PLCB1: variants seen among roughly 807,000 people sequenced by gnomAD.
PLCB1 encodes phospholipase C beta 1, also known as 1-phosphatidylinositol 4,5-bisphosphate phosphodiesterase beta-1.
Under a neutral mutation model 161.8 loss-of-function variants are expected in PLCB1, and 46 were observed. The observed-to-expected ratio is 0.28, with a 90% CI of 0.22 to 0.36. The LOEUF (loss-of-function observed/expected upper bound fraction) is 0.36. Ranked by LOEUF, PLCB1 falls within the 10% of genes least tolerant of loss-of-function variation. The pLI is 1.00. For synonymous variants in PLCB1, 517 were observed against 503.7 expected (o/e 1.03, Z -0.35); for missense variants, 1,016 against 1,472.5 (o/e 0.69, Z 5.07).
intron 3 of PLCB1, among the ~76,000 whole-genome samples, chr20:8,541,562 G>GAGAAAGAAAGAAAAAAAGAA (rs1985318106): frequency 8.7e-6 from 1 of 114,348 alleles, no homozygotes; most frequent in African/African-American, 3.7e-5. Flanking sequence ...AAGGAAGAAA[G>GAGAAAGAAAGAAAAAAAGAA]AGAAAGAAAG....
intron 2 of PLCB1, among the ~76,000 whole-genome samples, chr20:8,327,187 G>C (rs543392527): frequency 2.6e-5 from 4 of 152,272 alleles, no homozygotes; most frequent in Non-Finnish European, 4.4e-5. Flanking sequence ...TGCCTAGCCT[G>C]TTTGTTTTTC....
At chr20:8,857,709 T>C (rs2146309220) in intron 31 of PLCB1, among the ~76,000 whole-genome samples, 1 of 152,350 alleles carries the variant, frequency 6.6e-6, no homozygotes, top group Admixed American at 6.5e-5. Flanking sequence ...ACCCTGACAC[T>C]TGCCAATAGT....
chr20:8,812,722 G>C (rs1001476562), intron 31 of PLCB1, among the ~76,000 whole-genome samples: 5 of 152,190 alleles, frequency 3.3e-5, no homozygotes, highest in African/African-American at 1.2e-4. Flanking sequence ...CCATTTGGGA[G>C]AGCTGAAAAT....
intron 2 of PLCB1, among the ~76,000 whole-genome samples, chr20:8,276,926 TTTCTTCTTC>T (rs752434070): frequency 0.095 from 9,898 of 104,470 alleles, 572 homozygotes; most frequent in Non-Finnish European, 0.12. Context: ...GTCTTCTTCT[TTTCTTCTTC>T]TTCTTCTTCT....
At chr20:8,136,669 G>A (rs769171933) in intron 1 of PLCB1, among the ~76,000 whole-genome samples, 2 of 151,806 alleles carry the variant, frequency 1.3e-5, no homozygotes, top group Middle Eastern at 3.4e-3. Flanking sequence ...TAAGATGGAC[G>A]TGAATTTTAT....
chr20:8,564,815 A>G (rs543791674), intron 3 of PLCB1, among the ~76,000 whole-genome samples: 5 of 152,336 alleles, frequency 3.3e-5, no homozygotes, highest in South Asian at 2.1e-4. Flanking sequence ...TGGAATGGCA[A>G]TCATTAACAA....
At chr20:8,716,418 T>A in intron 13 of PLCB1, 70 bp downstream of exon 13, 2 of 1,072,762 alleles carry the variant, frequency 1.9e-6, no homozygotes, top group Non-Finnish European at 2.9e-6. Flanking sequence ...AGGGAAAACT[T>A]ACTTCCTTTT....
chr20:8,667,475 CTTTCCTTTCCGTTATTACA>C lies in PLCB1; in HGVS notation c.862+8780_862+8798del, dbSNP rs1989841929. On this transcript the variant is annotated intron_variant, in intron 9 of 31. Coordinates refer to ENST00000338037, the MANE Select transcript of PLCB1 (RefSeq NM_015192.4). ...TTGGTTGACTTGGCAACTCCCTTTGCTTTCCTTTCCGTTATTACATTTCCTTTATTCCCAGAAGGCAGGG... is the reference window on the plus strand; with the variant it reads ...TTGGTTGACTTGGCAACTCCCTTTGCTTTCCTTTATTCCCAGAAGGCAGGG... Among the ~76,000 whole-genome samples the C allele has an allele frequency of 3.3e-5, 5 of 152,314 alleles. No homozygotes were observed. In the East Asian group the frequency reaches 9.7e-4, roughly 29 times the overall value.
chr20:8,525,810 G>A (rs1005454571), intron 3 of PLCB1, among the ~76,000 whole-genome samples: 5 of 151,566 alleles, frequency 3.3e-5, no homozygotes, highest in African/African-American at 1.2e-4. Flanking sequence ...GAGGCTAGAG[G>A]ATGATGATGA....
chr20:8,861,436 C>T (rs1483279737), intron 31 of PLCB1, among the ~76,000 whole-genome samples: 1 of 152,056 alleles, frequency 6.6e-6, no homozygotes, highest in African/African-American at 2.4e-5. Context: ...CATCATGGCT[C>T]ATGCCTGTAA....
intron 31 of PLCB1, among the ~76,000 whole-genome samples, chr20:8,812,423 G>C (rs1303549534): frequency 6.6e-6 from 1 of 151,740 alleles, no homozygotes; most frequent in African/African-American, 2.4e-5. Flanking sequence ...TGGTGTGAGC[G>C]GGGGCTGGTG....
intron 18 of PLCB1, among the ~76,000 whole-genome samples, chr20:8,731,762 C>T (rs1353620783): frequency 6.6e-6 from 1 of 151,870 alleles, no homozygotes; most frequent in Admixed American, 6.6e-5. Context: ...GAACATATGA[C>T]TTGCTAATGT....
chr20:8,757,591 T>C (rs1981803229), intron 24 of PLCB1, among the ~76,000 whole-genome samples: 1 of 152,204 alleles, frequency 6.6e-6, no homozygotes, highest in Admixed American at 6.5e-5. Flanking sequence ...CATCTTTGAG[T>C]GTCTGCCCTG....
chr20:8,770,860 A>T (rs1351411113), intron 26 of PLCB1, among the ~76,000 whole-genome samples: 1 of 152,132 alleles, frequency 6.6e-6, no homozygotes, highest in African/African-American at 2.4e-5. Context: ...TTTTCCCTTT[A>T]GCTTAGTGAT....
chr20:8,716,464 G>C, intron 13 of PLCB1, 116 bp downstream of exon 13: 1 of 787,098 alleles, frequency 1.3e-6, no homozygotes, highest in Admixed American at 2.1e-5. Context: ...AATGCAGTTG[G>C]TGATGAAATC....
At position 8,132,528 on chromosome 20, in the gene PLCB1, G is replaced by A. The variant is rs2051301536; in HGVS notation, c.-124G>A. On this transcript the variant is annotated 5_prime_UTR_variant, in exon 1 of 32. Transcript: ENST00000338037. The surrounding 1 kb of genome is among the most constrained non-coding windows in gnomAD (Gnocchi z 5.2). ...AGGCCGGGAGGCCGGGGAGGCCGGCGGGGAGCAGAGTCGAGCGCCTCCGGA... is the reference window on the plus strand; with the variant it reads ...AGGCCGGGAGGCCGGGGAGGCCGGCAGGGAGCAGAGTCGAGCGCCTCCGGA... 4.1e-6 allele frequency: 2 copies of A among 487,408 alleles called. No homozygotes were observed. The highest frequency in any genetic ancestry group is 3.4e-6 in the Non-Finnish European group (1 of 293,488). 30.2% of individuals were successfully genotyped at this position (487,408 alleles called of 1,614,324 possible).
chr20:8,248,101 G>A (rs1980971404), intron 2 of PLCB1, among the ~76,000 whole-genome samples: 1 of 151,952 alleles, frequency 6.6e-6, no homozygotes. Flanking sequence ...GAGACTGGCA[G>A]AGGAGCAGGC....
chr20:8,134,381 A>G (rs1347648021), intron 1 of PLCB1, among the ~76,000 whole-genome samples: 1 of 152,262 alleles, frequency 6.6e-6, no homozygotes, highest in Non-Finnish European at 1.5e-5. Flanking sequence ...AGGGAGTTTC[A>G]GCGTAAGCTC....
chr20:8,569,331 A>G (rs1208162940), intron 3 of PLCB1, among the ~76,000 whole-genome samples: 2 of 152,258 alleles, frequency 1.3e-5, no homozygotes, highest in East Asian at 1.9e-4. Flanking sequence ...AGTAAAATAC[A>G]TATCAGAAAT....
Sources: allele counts gnomAD v4.1 joint callset (sites outside exome capture counted in the v4.1 genomes callset), GRCh38; gene constraint gnomAD v4.1.1; non-coding constraint Gnocchi (gnomAD v3.1); transcripts MANE v1.5; gene names NCBI Gene and HGNC (gene_info 2026-07-23, HGNC 2026-07-21).